BTRC: variants seen among roughly 807,000 people sequenced by gnomAD.
The protein encoded by BTRC is beta-transducin repeat containing E3 ubiquitin protein ligase.
A neutral mutation model predicts 85.5 loss-of-function variants in BTRC; 42 were observed. The ratio of observed to expected loss-of-function variants is 0.49; its 90% CI spans 0.38 to 0.64. The LOEUF is 0.64. BTRC is among the 30% of genes least tolerant of loss of function. BTRC has a pLI of 0.00. For missense variants in BTRC, 594 were observed against 743.5 expected (o/e 0.80, Z 2.34); for synonymous variants, 255 against 263.3 (o/e 0.97, Z 0.30).
intron 3 of BTRC, among the ~76,000 whole-genome samples, chr10:101,478,842 G>A (rs1469457121): frequency 1.3e-5 from 2 of 150,620 alleles, no homozygotes; most frequent in Non-Finnish European, 3.0e-5. Flanking sequence ...GGGAGGCTGA[G>A]GCAGGAGAAT....
chr10:101,542,748 AT>A (rs895868591), intron 13 of BTRC, among the ~76,000 whole-genome samples: 1 of 150,110 alleles, frequency 6.7e-6, no homozygotes, highest in South Asian at 2.1e-4. Flanking sequence ...ATTTTTTTGT[AT>A]TTTTTTTTAG....
chr10:101,364,510 T>G (rs1942306865), intron 1 of BTRC, among the ~76,000 whole-genome samples: 1 of 152,112 alleles, frequency 6.6e-6, no homozygotes. Flanking sequence ...CAGCTTTCCA[T>G]CTCTTCGCTG....
intron 2 of BTRC, among the ~76,000 whole-genome samples, chr10:101,445,421 TTC>T (rs1326883193): frequency 6.6e-6 from 1 of 152,246 alleles, no homozygotes; most frequent in Non-Finnish European, 1.5e-5. Context: ...GCATGCTAGC[TTC>T]TGTTTAAATC....
At chr10:101,479,234 C>A in intron 3 of BTRC, 134 bp from the exon 4 acceptor site, 1 of 597,624 alleles carries the variant, frequency 1.7e-6, no homozygotes, top group Non-Finnish European at 2.8e-6. Context: ...ACTTACCTCT[C>A]AGTTCCCATA....
At chr10:101,461,702 A>G (rs1945229873) in intron 2 of BTRC, among the ~76,000 whole-genome samples, 2 of 152,310 alleles carry the variant, frequency 1.3e-5, no homozygotes, top group South Asian at 4.2e-4. Context: ...ACCTGTGTCA[A>G]AGTGCAAGCT....
intron 1 of BTRC, among the ~76,000 whole-genome samples, chr10:101,428,265 G>A (rs760539510): frequency 1.3e-5 from 2 of 152,146 alleles, no homozygotes; most frequent in African/African-American, 2.4e-5. Flanking sequence ...GATTAGAGAA[G>A]GTGAGTTGAT....
chr10:101,363,450 T>C (rs1942270413), intron 1 of BTRC, among the ~76,000 whole-genome samples: 1 of 150,342 alleles, frequency 6.7e-6, no homozygotes, highest in South Asian at 2.1e-4. Context: ...TTCGTTTTTG[T>C]TTTTGTTTTT....
chr10:101,452,568 C>G (rs1399037639), intron 2 of BTRC, among the ~76,000 whole-genome samples: 2 of 152,212 alleles, frequency 1.3e-5, no homozygotes, highest in Admixed American at 1.3e-4. Flanking sequence ...TAGTGTCGGA[C>G]AGTGTGGCGG....
intron 4 of BTRC, among the ~76,000 whole-genome samples, chr10:101,485,015 A>G (rs1335492224): frequency 6.6e-6 from 1 of 152,204 alleles, no homozygotes; most frequent in Non-Finnish European, 1.5e-5. Context: ...CGTGCCGTTT[A>G]AGAAAAATAC....
At chr10:101,402,220 A>G (rs1943510947) in intron 1 of BTRC, among the ~76,000 whole-genome samples, 2 of 152,166 alleles carry the variant, frequency 1.3e-5, no homozygotes, top group Non-Finnish European at 2.9e-5. Context: ...TTTAAAGCAT[A>G]TTATTTACAC....
At chr10:101,509,422 T>G (rs1017718767) in intron 4 of BTRC, among the ~76,000 whole-genome samples, 3 of 148,272 alleles carry the variant, frequency 2.0e-5, no homozygotes, top group African/African-American at 7.5e-5. Flanking sequence ...GCCCGGCTAA[T>G]TTTTTGTATT....
intron 4 of BTRC, among the ~76,000 whole-genome samples, chr10:101,496,614 A>C (rs191127976): frequency 6.6e-6 from 1 of 152,178 alleles, no homozygotes; most frequent in East Asian, 1.9e-4. Flanking sequence ...TTACCATCTT[A>C]CTATTTTTAA....
chr10:101,510,488 C>T (rs753311669), intron 4 of BTRC, among the ~76,000 whole-genome samples: 6 of 148,974 alleles, frequency 4.0e-5, no homozygotes, highest in Non-Finnish European at 5.9e-5. Flanking sequence ...CCAACCTGAG[C>T]GACAGATTGA....
In BTRC at chr10:101,430,408, C is replaced by A. The variant is rs775833317; in HGVS notation, c.112C>A (p.Arg38=). ...SSLADSMPSL[R]CLYNPGTGAL... is the part of the protein sequence containing the mutation. Reference sequence around the variant, plus strand: ...CCTGGCGGACAGCATGCCTTCGCTGCGATGCCTGTATAACCCAGGGACTGG... The same window carrying A: ...CCTGGCGGACAGCATGCCTTCGCTGAGATGCCTGTATAACCCAGGGACTGG... The change falls in exon 2 of 15, where the codon CGA becomes AGA. Residue 38 remains arginine, a synonymous_variant. Transcript: ENST00000370187. 3.7e-6 allele frequency: 6 copies of A among 1,613,896 alleles called. No individual in the cohort carries two copies. The African/African-American group carries it at 5.3e-5, about 14-fold the overall frequency.
Position 101,505,641 on chromosome 10 carries a change from T to A in BTRC, c.325-15998T>A, listed in dbSNP as rs201647373. ...TCTCAAAAAAATAAAAAAAAAAAAATAATAATAAAAAAACAAATATACCCA... is the reference window on the plus strand; with the variant it reads ...TCTCAAAAAAATAAAAAAAAAAAAAAAATAATAAAAAAACAAATATACCCA... On this transcript the variant is annotated intron_variant, in intron 4 of 14. Coordinates refer to ENST00000370187, the MANE Select transcript of BTRC (RefSeq NM_033637.4). Among the ~76,000 whole-genome samples, 153 of 74,426 alleles carry A rather than the reference T, an allele frequency of 2.1e-3. 1 individual carries two copies. Among genetic ancestry groups the A allele is most frequent in the East Asian group, 3.0e-3 (11 of 3,632 alleles). 48.8% of individuals were successfully genotyped at this position (74,426 alleles called of 152,430 possible).
intron 4 of BTRC, among the ~76,000 whole-genome samples, chr10:101,491,128 G>A (rs1037824119): frequency 6.6e-6 from 1 of 151,760 alleles, no homozygotes; most frequent in African/African-American, 2.4e-5. Flanking sequence ...ATAGTCACCT[G>A]CCTTATTAAC....
chr10:101,524,964 T>C (rs975155673), intron 5 of BTRC, among the ~76,000 whole-genome samples: 2 of 152,158 alleles, frequency 1.3e-5, no homozygotes, highest in Admixed American at 6.5e-5. Flanking sequence ...CAAAATGAAA[T>C]GCCATGTTCT....
intron 4 of BTRC, among the ~76,000 whole-genome samples, chr10:101,483,150 A>G (rs534648107): frequency 6.6e-6 from 1 of 152,324 alleles, no homozygotes; most frequent in African/African-American, 2.4e-5. Flanking sequence ...TGCCAGAAAT[A>G]TCATAGTCTT....
chr10:101,458,613 T>C (rs1224903925), intron 2 of BTRC, among the ~76,000 whole-genome samples: 1 of 152,208 alleles, frequency 6.6e-6, no homozygotes, highest in East Asian at 1.9e-4. Context: ...TATACCTCTT[T>C]AGTTTCCTTT....
Sources: allele counts gnomAD v4.1 joint callset (sites outside exome capture counted in the v4.1 genomes callset), GRCh38; gene constraint gnomAD v4.1.1; transcripts MANE v1.5; gene names NCBI Gene and HGNC (gene_info 2026-07-23, HGNC 2026-07-21).